Variants in SH3RF2 observed in about 807,000 individuals in gnomAD.
SH3RF2 encodes E3 ubiquitin-protein ligase SH3RF2.
SH3RF2 carries 43 observed loss-of-function variants against 59.0 expected under a neutral mutation model. The observed-to-expected ratio is 0.73, with a 90% CI of 0.57 to 0.94. The LOEUF (loss-of-function observed/expected upper bound fraction) is 0.94, where lower values mean the gene tolerates loss of function less well. SH3RF2 is among the 40% of genes least tolerant of loss of function. The pLI, the probability that SH3RF2 is intolerant of heterozygous loss-of-function variation, is 0.00. For missense variants in SH3RF2, 930 were observed against 940.1 expected, an observed-to-expected ratio of 0.99 and a Z score of 0.14; for synonymous variants, 391 against 391.5, an observed-to-expected ratio of 1.00 and a Z score of 0.01.
At chr5:145,998,828 T>C (rs1400857670) in intron 2 of SH3RF2, among the ~76,000 whole-genome samples, 1 of 152,134 alleles carries the variant, frequency 6.6e-6, no homozygotes, top group Non-Finnish European at 1.5e-5. Flanking sequence ...GGAGAATCAC[T>C]TGAACCCGGG....
chr5:146,042,100 T>C (rs1762146545), intron 5 of SH3RF2, among the ~76,000 whole-genome samples: 1 of 152,238 alleles, frequency 6.6e-6, no homozygotes, highest in South Asian at 2.1e-4. Flanking sequence ...ACCCGCCAAG[T>C]TACCGCAAGG....
downstream of SH3RF2, among the ~76,000 whole-genome samples, chr5:146,063,626 G>A (rs567543321): frequency 2.2e-4 from 33 of 152,302 alleles, no homozygotes; most frequent in East Asian, 3.7e-3. Context: ...TTGGTAGGCC[G>A]AGGTGGGCAG....
rs1187385006 is a variant in SH3RF2 at position 146,013,230 on chromosome 5, G to T, written c.745-517G>T. The stretch of plus-strand genomic sequence containing the variant: ...TACAGGAGAGAATCATGTGTAGAAG[G>T]TCCCTGCAACCCAGATAGCTAACGG... On this transcript the variant is annotated intron_variant, in intron 4 of 9. Coordinates refer to ENST00000359120, the MANE Select transcript of SH3RF2 (RefSeq NM_152550.4). 8.5e-5 allele frequency among the ~76,000 whole-genome samples: 13 copies of T among 152,148 alleles called. 1 individual carries two copies. The highest frequency in any genetic ancestry group is 8.5e-4 in the Admixed American group (13 of 15,268).
chr5:145,991,837 A>C (rs777891496), intron 2 of SH3RF2, among the ~76,000 whole-genome samples: 9 of 152,214 alleles, frequency 5.9e-5, no homozygotes, highest in Admixed American at 3.9e-4. Flanking sequence ...GAAAGAAAGA[A>C]AGCTAGCAAT....
chr5:145,968,943 A>G (rs1221221885), intron 2 of SH3RF2, among the ~76,000 whole-genome samples: 1 of 152,260 alleles, frequency 6.6e-6, no homozygotes, highest in Non-Finnish European at 1.5e-5. Flanking sequence ...TATAGTGTCT[A>G]GATCTCTGTA....
At chr5:145,986,227 G>A (rs1056498016) in intron 2 of SH3RF2, among the ~76,000 whole-genome samples, 2 of 152,128 alleles carry the variant, frequency 1.3e-5, no homozygotes, top group Admixed American at 6.6e-5. Flanking sequence ...AAACCTCCAC[G>A]TCATTAGTCA....
intron 3 of SH3RF2, among the ~76,000 whole-genome samples, chr5:146,003,634 T>C (rs1760515735): frequency 6.6e-6 from 1 of 152,230 alleles, no homozygotes; most frequent in Non-Finnish European, 1.5e-5. Context: ...AAAAGTTGCT[T>C]TATGTTTGAT....
intron 2 of SH3RF2, among the ~76,000 whole-genome samples, chr5:145,978,339 C>A (rs1432776): frequency 1.3e-5 from 2 of 152,150 alleles, no homozygotes; most frequent in African/African-American, 4.8e-5. Flanking sequence ...TTCATAGAAC[C>A]TGGTTGCAGA....
chr5:145,964,381 G>T (rs551871434), intron 2 of SH3RF2, among the ~76,000 whole-genome samples: 29 of 144,776 alleles, frequency 2.0e-4, no homozygotes, highest in South Asian at 2.2e-4. Context: ...ATCTCAGCTC[G>T]CTGCAACCTC....
intron 2 of SH3RF2, among the ~76,000 whole-genome samples, chr5:145,976,055 T>G (rs1759282074): frequency 6.6e-6 from 1 of 152,234 alleles, no homozygotes; most frequent in Admixed American, 6.5e-5. Context: ...AACCTTCTTT[T>G]GTAACGAGGT....
intron 8 of SH3RF2, among the ~76,000 whole-genome samples, chr5:146,057,012 T>G (rs974111798): frequency 3.3e-5 from 5 of 152,248 alleles, no homozygotes; most frequent in Admixed American, 3.3e-4. Flanking sequence ...ATCAAGATTT[T>G]ATTTTCTTAT....
intron 2 of SH3RF2, among the ~76,000 whole-genome samples, chr5:145,983,513 T>C (rs1250074427): frequency 6.6e-6 from 1 of 152,156 alleles, no homozygotes; most frequent in Non-Finnish European, 1.5e-5. Context: ...GCCAATTCAT[T>C]CCCAGACAAG....
At position 145,966,685 on chromosome 5, in the gene SH3RF2, G is replaced by T. The variant is rs117888453; in HGVS notation, c.378+28379G>T. On this transcript the variant is annotated intron_variant, in intron 2 of 9. Transcript: ENST00000359120. ...ACAATCCAAATTTTGTGGGTGGAAAGAAAGAGATGATAAGAAGAATACTCA... is the reference window on the plus strand; with the variant it reads ...ACAATCCAAATTTTGTGGGTGGAAATAAAGAGATGATAAGAAGAATACTCA... Among the ~76,000 whole-genome samples, 812 of 152,248 alleles carry T rather than the reference G, an allele frequency of 5.3e-3. 14 individuals are homozygous for T. The highest frequency in any genetic ancestry group is 0.047 in the Admixed American group (718 of 15,292).
chr5:146,049,252 C>T lies in SH3RF2; in HGVS notation c.1322+7C>T, dbSNP rs767835486. 2.8e-5 allele frequency: 45 copies of T among 1,596,316 alleles called. No individual in the cohort carries two copies. The highest frequency in any genetic ancestry group is 3.4e-5 in the South Asian group (3 of 87,674). The stretch of plus-strand genomic sequence containing the variant: ...ACGTCATCCCCATTTTCAGGTGTGT[C>T]GCCTCCAATCCCAGACTTTGGGAGG... On this transcript the variant is annotated splice_region_variant and intron_variant, in intron 7 of 9. Transcript: ENST00000359120.
chr5:146,039,666 T>C (rs1027466626), intron 5 of SH3RF2, among the ~76,000 whole-genome samples: 4 of 152,230 alleles, frequency 2.6e-5, no homozygotes, highest in African/African-American at 7.2e-5. Context: ...TGTAAATTGT[T>C]ACAGCCACAT....
intron 2 of SH3RF2, among the ~76,000 whole-genome samples, chr5:145,966,486 T>C (rs565814275): frequency 6.6e-6 from 1 of 152,356 alleles, no homozygotes; most frequent in South Asian, 2.1e-4. Context: ...ATTGTTGTTT[T>C]TATTATTTTC....
At chr5:145,997,730 T>G in intron 2 of SH3RF2, 2 of 1,574,396 alleles carry the variant, frequency 1.3e-6, no homozygotes, top group Non-Finnish European at 1.7e-6. Flanking sequence ...AGCAAATTTT[T>G]GAAGCAGTTA....
At chr5:146,002,707 C>T (rs534546847) in intron 3 of SH3RF2, among the ~76,000 whole-genome samples, 8 of 152,250 alleles carry the variant, frequency 5.3e-5, no homozygotes, top group African/African-American at 1.7e-4. Flanking sequence ...CCCCATGGGT[C>T]GCATTACTGC....
At chr5:146,012,592 T>C (rs1490580096) in intron 4 of SH3RF2, among the ~76,000 whole-genome samples, 2 of 152,054 alleles carry the variant, frequency 1.3e-5, no homozygotes, top group Non-Finnish European at 2.9e-5. Flanking sequence ...TTAGTCTTGG[T>C]TGGATTTCTA....
Sources: gnomAD v4.1 joint callset for allele counts (sites outside exome capture counted in the v4.1 genomes callset) on GRCh38, gnomAD v4.1.1 for gene constraint, MANE v1.5 for transcripts, NCBI Gene and HGNC (gene_info 2026-07-23, HGNC 2026-07-21) for gene names.